RAB33A: variants seen among roughly 807,000 people sequenced by gnomAD.
The protein encoded by RAB33A is RAB33A, member RAS oncogene family.
A neutral mutation model predicts 12.0 loss-of-function variants in RAB33A; 6 were observed. The ratio of observed to expected loss-of-function variants is 0.50; its 90% CI spans 0.27 to 0.99. The LOEUF is 0.99. Among genes scored for constraint, RAB33A ranks in the 50% least tolerant of loss-of-function variants. RAB33A has a pLI of 0.11. For synonymous variants in RAB33A, 70 were observed against 82.4 expected, an observed-to-expected ratio of 0.85 and a Z score of 0.81; for missense variants, 109 against 192.0, an observed-to-expected ratio of 0.57 and a Z score of 2.55.
the RAB33A span, chrX:130,131,689 G>A: frequency 8.3e-7 from 1 of 1,210,346 alleles, no homozygotes; most frequent in African/African-American, 1.7e-5. Context: ...CTGCTCTGTG[G>A]CAGATTTGGG....
chrX:130,130,018 C>A, the RAB33A span: 2 of 1,211,690 alleles, frequency 1.7e-6, no homozygotes, highest in Non-Finnish European at 2.2e-6. Context: ...GCACAATCCC[C>A]ACGACCACTT....
chrX:130,146,611 C>CA, the RAB33A span, among the ~76,000 whole-genome samples: 1 of 109,920 alleles, frequency 9.1e-6, no homozygotes, highest in Non-Finnish European at 1.9e-5. Flanking sequence ...GGTCAGGTAT[C>CA]AAAGGGGTCA....
intron 1 of RAB33A, among the ~76,000 whole-genome samples, chrX:130,175,316 A>G (rs209548): frequency 0.5 from 54,306 of 108,086 alleles, 11,008 homozygotes; most frequent in African/African-American, 0.74. Context: ...ACTCTACAGG[A>G]CAATATTCAG....
chrX:130,165,069 T>C, the RAB33A span, among the ~76,000 whole-genome samples: 3 of 110,336 alleles, frequency 2.7e-5, no homozygotes, highest in Non-Finnish European at 3.8e-5. Context: ...TTACTTGCCC[T>C]GCACCGTTTC....
At chrX:130,115,610 AAAAG>A in the RAB33A span, among the ~76,000 whole-genome samples, 10 of 109,209 alleles carry the variant, frequency 9.2e-5, no homozygotes, top group East Asian at 2.8e-4. Context: ...GAAACTGCCA[AAAAG>A]AAAGAAAGAG....
the RAB33A span, among the ~76,000 whole-genome samples, chrX:130,146,451 ATGTGTGTG>A: frequency 0.014 from 1,280 of 89,413 alleles, 23 homozygotes; most frequent in African/African-American, 0.048. Context: ...CTCTCAAAAT[ATGTGTGTG>A]TGTGTGTGTG....
chrX:130,117,056 T>C, the RAB33A span, among the ~76,000 whole-genome samples: 1 of 110,968 alleles, frequency 9.0e-6, no homozygotes, highest in Non-Finnish European at 1.9e-5. Context: ...TATTAAAAAA[T>C]ACAAAAAATT....
At chrX:130,168,785 A>AT (rs2124684035), upstream of RAB33A, among the ~76,000 whole-genome samples, 1 of 111,115 alleles carries the variant, frequency 9.0e-6, no homozygotes, top group South Asian at 3.8e-4. Context: ...AATGGGTGAC[A>AT]TTTTATCTAG....
At chrX:130,146,451 A>ATGTGTGTGTGTGTGTGTG in the RAB33A span, among the ~76,000 whole-genome samples, 35 of 89,446 alleles carry the variant, frequency 3.9e-4, no homozygotes, top group African/African-American at 1.4e-3. Context: ...CTCTCAAAAT[A>ATGTGTGTGTGTGTGTGTG]TGTGTGTGTG....
At chrX:130,140,411 A>G in the RAB33A span, 13 of 598,135 alleles carry the variant, frequency 2.2e-5, no homozygotes, top group Non-Finnish European at 3.4e-5. Flanking sequence ...AAGAGAAGAC[A>G]CTCACTTCAG....
At chrX:130,174,609 A>G (rs936459815) in intron 1 of RAB33A, among the ~76,000 whole-genome samples, 1 of 112,279 alleles carries the variant, frequency 8.9e-6, no homozygotes, top group African/African-American at 3.2e-5. Flanking sequence ...TGCGAGAGAG[A>G]GAAAAGTCCA....
intron 1 of RAB33A, among the ~76,000 whole-genome samples, chrX:130,177,942 G>A (rs765047936): frequency 1.2e-4 from 14 of 112,259 alleles, no homozygotes; most frequent in South Asian, 3.7e-4. Flanking sequence ...AGGCAGCTGC[G>A]AAAGAGGAAG....
chrX:130,120,712 C>T, the RAB33A span, among the ~76,000 whole-genome samples: 2 of 112,104 alleles, frequency 1.8e-5, no homozygotes, highest in Non-Finnish European at 3.8e-5. Context: ...GGTGGGAGCG[C>T]GTCCTTCTCT....
At chrX:130,134,257 AT>A in the RAB33A span, among the ~76,000 whole-genome samples, 4 of 110,672 alleles carry the variant, frequency 3.6e-5, no homozygotes, top group Non-Finnish European at 7.6e-5. Context: ...AGAAAAAAAA[AT>A]CTATTCTGCT....
At chrX:130,156,726 C>A in the RAB33A span, 1 of 755,688 alleles carries the variant, frequency 1.3e-6, no homozygotes, top group Non-Finnish European at 2.0e-6. Context: ...GTTAAATGAT[C>A]AAGAAAAATA....
the RAB33A span, among the ~76,000 whole-genome samples, chrX:130,132,988 G>A: frequency 6.3e-5 from 7 of 111,051 alleles, no homozygotes; most frequent in Admixed American, 4.8e-4. Context: ...CTCGTGATCC[G>A]CCCACCTCGG....
At chrX:130,157,312 A>G in the RAB33A span, among the ~76,000 whole-genome samples, 1 of 112,590 alleles carries the variant, frequency 8.9e-6, no homozygotes, top group Non-Finnish European at 1.9e-5. Context: ...TGATCATAAC[A>G]GCACCTGTAC....
chrX:130,155,580 A>G, the RAB33A span, among the ~76,000 whole-genome samples: 1 of 112,203 alleles, frequency 8.9e-6, no homozygotes, highest in African/African-American at 3.2e-5. Context: ...AGCTTCAAAT[A>G]ATTTTCATGT....
the RAB33A span, chrX:130,165,702 G>T: frequency 4.6e-6 from 5 of 1,075,515 alleles, no homozygotes; most frequent in Admixed American, 1.0e-4. Context: ...TTCCTCTCAC[G>T]CACGACCGAC....
Sources: allele counts gnomAD v4.1 joint callset (sites outside exome capture counted in the v4.1 genomes callset), GRCh38; gene constraint gnomAD v4.1.1; transcripts MANE v1.5; gene names NCBI Gene and HGNC (gene_info 2026-07-23, HGNC 2026-07-21).